Variants in DMXL1 observed in about 807,000 individuals in gnomAD.
DMXL1 encodes the protein dmX-like protein 1.
Under a neutral mutation model 319.2 loss-of-function variants are expected in DMXL1, and 99 were observed. The ratio of observed to expected loss-of-function variants is 0.31; its 90% CI spans 0.26 to 0.37. The LOEUF (loss-of-function observed/expected upper bound fraction) is 0.37, where lower values mean the gene tolerates loss of function less well. Ranked by LOEUF, DMXL1 falls within the 10% of genes least tolerant of loss-of-function variation. The pLI, the probability that DMXL1 is intolerant of heterozygous loss-of-function variation, is 1.00. For synonymous variants in DMXL1, 1,385 were observed against 1,235.2 expected, an observed-to-expected ratio of 1.12 and a Z score of -2.54; for missense variants, 3,745 against 3,595.6, an observed-to-expected ratio of 1.04 and a Z score of -1.06.
intron 6 of DMXL1, among the ~76,000 whole-genome samples, chr5:119,115,602 C>A (rs1021543458): frequency 3.3e-5 from 5 of 152,148 alleles, no homozygotes; most frequent in African/African-American, 1.2e-4. Flanking sequence ...TCAGTTATAG[C>A]TTAAAAGCAG....
At chr5:119,231,562 C>G (rs1363697694) in intron 38 of DMXL1, among the ~76,000 whole-genome samples, 2 of 152,188 alleles carry the variant, frequency 1.3e-5, no homozygotes, top group African/African-American at 4.8e-5. Flanking sequence ...TGGAGGTCAT[C>G]ATCAGGGGAT....
At chr5:119,181,152 TA>T (rs1776702708) in intron 28 of DMXL1, among the ~76,000 whole-genome samples, 1 of 152,166 alleles carries the variant, frequency 6.6e-6, no homozygotes, top group Non-Finnish European at 1.5e-5. Flanking sequence ...TACCATTACA[TA>T]AATTATTTTG....
chr5:119,107,245 G>C (rs1758559720), intron 4 of DMXL1, among the ~76,000 whole-genome samples: 1 of 151,960 alleles, frequency 6.6e-6, no homozygotes, highest in African/African-American at 2.4e-5. Flanking sequence ...GGAGGCTGAG[G>C]TGGGAGGCTT....
chr5:119,212,030 G>C (rs1029156354), intron 34 of DMXL1, among the ~76,000 whole-genome samples: 1 of 152,158 alleles, frequency 6.6e-6, no homozygotes, highest in African/African-American at 2.4e-5. Context: ...ATCAGTTTCT[G>C]CATAATTCCT....
At chr5:119,240,808 A>G (rs1200456905) in intron 42 of DMXL1, among the ~76,000 whole-genome samples, 2 of 152,204 alleles carry the variant, frequency 1.3e-5, no homozygotes, top group East Asian at 3.8e-4. Context: ...ATTCCTAGCT[A>G]ATGCAGTAAC....
intron 1 of DMXL1, among the ~76,000 whole-genome samples, chr5:119,076,616 A>G (rs952411814): frequency 2.6e-5 from 4 of 152,218 alleles, no homozygotes; most frequent in African/African-American, 9.7e-5. Flanking sequence ...AAATGATAGT[A>G]GTTCTCAATA....
intron 9 of DMXL1, among the ~76,000 whole-genome samples, chr5:119,123,464 TAGAGGG>T (rs566513045): frequency 1.8e-3 from 170 of 92,506 alleles, no homozygotes; most frequent in Non-Finnish European, 3.1e-3. Context: ...GGAGGAGAGG[TAGAGGG>T]AGAGGGAGAG....
Position 119,167,727 on chromosome 5 carries a change from C to G in DMXL1, c.5261C>G (p.Ser1754Cys), listed in dbSNP as rs775212936. ...CGTAAAAAAGTTTTGGGAATCGATT[C>G]TCCTGTCAGTGAACTGTGTTCATTG... is the stretch of plus-strand genomic sequence containing the variant. ...ILRKKVLGID[S>C]PVSELCSLNI... is the part of the protein sequence containing the mutation. Residue 1754 changes from serine (S) to cysteine (C), a missense_variant, in exon 23 of 44, where the codon TCT becomes TGT. By Grantham distance (112) the Ser-to-Cys change is moderately radical (BLOSUM62 -1). This residue lies in a region of DMXL1 where 1,382 missense variants were observed against 1,269.5 expected (regional missense o/e 1.09). Coordinates refer to ENST00000539542, the MANE Select transcript of DMXL1 (RefSeq NM_001290321.3). The G allele has an allele frequency of 1.9e-6, 3 of 1,613,642 alleles. No individual in the cohort carries two copies. The highest frequency in any genetic ancestry group is 2.5e-6 in the Non-Finnish European group (3 of 1,179,742).
chr5:119,098,889 T>C (rs1756591154), intron 2 of DMXL1, among the ~76,000 whole-genome samples: 1 of 152,218 alleles, frequency 6.6e-6, no homozygotes, highest in Non-Finnish European at 1.5e-5. Context: ...AAAATGGTCA[T>C]ATTAAGAGTC....
intron 26 of DMXL1, among the ~76,000 whole-genome samples, chr5:119,176,066 A>G (rs1241589778): frequency 6.6e-6 from 1 of 152,010 alleles, no homozygotes. Flanking sequence ...TTTCAGGAGA[A>G]ATTCTAGCTT....
At chr5:119,077,325 GC>G (rs999841708) in intron 1 of DMXL1, among the ~76,000 whole-genome samples, 3 of 152,162 alleles carry the variant, frequency 2.0e-5, no homozygotes, top group Admixed American at 2.0e-4. Context: ...TATTTGATAA[GC>G]CAGTGCTGCT....
chr5:119,167,656 C>A lies in DMXL1; in HGVS notation c.5190C>A (p.Leu1730=), dbSNP rs150598701. 2.3e-4 allele frequency: 371 copies of A among 1,612,094 alleles called. No individual in the cohort carries two copies. In the East Asian group the frequency reaches 4.1e-3, roughly 18 times the overall value. Residue 1730 remains leucine (L), a synonymous_variant, in exon 23 of 44, where the codon CTC becomes CTA. Coordinates refer to ENST00000539542, the MANE Select transcript of DMXL1 (RefSeq NM_001290321.3). ...DIQLALVIAR[L]YESEFDTSAA... is the part of the protein sequence containing the mutation. The stretch of plus-strand genomic sequence containing the variant: ...AGTTGGCTCTTGTAATAGCAAGACT[C>A]TATGAGTCTGAATTTGATACATCTG...
chr5:119,084,408 C>T (rs949262859), intron 1 of DMXL1, among the ~76,000 whole-genome samples: 3 of 152,212 alleles, frequency 2.0e-5, no homozygotes, highest in African/African-American at 7.2e-5. Context: ...GCGTGAGCCA[C>T]TGTGCCTGAC....
chr5:119,079,397 A>G (rs1265039769), intron 1 of DMXL1, among the ~76,000 whole-genome samples: 1 of 152,214 alleles, frequency 6.6e-6, no homozygotes, highest in Non-Finnish European at 1.5e-5. Flanking sequence ...CTGGGAGCTC[A>G]GCCCTAAAGT....
At chr5:119,204,071 C>G (rs1323937362) in intron 33 of DMXL1, among the ~76,000 whole-genome samples, 2 of 152,146 alleles carry the variant, frequency 1.3e-5, no homozygotes, top group Non-Finnish European at 2.9e-5. Context: ...ATCCACCCGC[C>G]TCAGCCTCCC....
chr5:119,109,089 C>G (rs980218314), intron 4 of DMXL1, among the ~76,000 whole-genome samples: 1 of 152,160 alleles, frequency 6.6e-6, no homozygotes, highest in Admixed American at 6.5e-5. Flanking sequence ...GTGTGAGCCA[C>G]CGTGCCTGGC....
chr5:119,112,534 C>G (rs1759872655), intron 5 of DMXL1, among the ~76,000 whole-genome samples: 1 of 152,144 alleles, frequency 6.6e-6, no homozygotes, highest in Admixed American at 6.5e-5. Context: ...CAAAGTAAGG[C>G]AGACGTCCCA....
chr5:119,195,120 A>G (rs549537309), intron 30 of DMXL1, among the ~76,000 whole-genome samples: 2 of 152,314 alleles, frequency 1.3e-5, no homozygotes, highest in East Asian at 3.9e-4. Context: ...GATGAGGAGA[A>G]ATTGGAATCT....
chr5:119,128,332 A>G (rs1580881285), intron 9 of DMXL1: 1 of 285,198 alleles, frequency 3.5e-6, no homozygotes, highest in South Asian at 4.0e-5. Flanking sequence ...TTTTCTGGAT[A>G]TTTGATTTGG....
Sources: allele counts gnomAD v4.1 joint callset (sites outside exome capture counted in the v4.1 genomes callset), GRCh38; gene constraint gnomAD v4.1.1; regional missense constraint gnomAD v4.1.1; transcripts MANE v1.5; gene names NCBI Gene and HGNC (gene_info 2026-07-23, HGNC 2026-07-21).